The following REDIC1 variants were observed in gnomAD, a reference collection of about 807,000 sequenced individuals.
The protein encoded by REDIC1 is HEI10 Interacting Protein 1.
chr12:39,626,932 C>A, the REDIC1 span, among the ~76,000 whole-genome samples: 161 of 152,232 alleles, frequency 1.1e-3, 1 homozygote, highest in African/African-American at 3.6e-3. Flanking sequence ...TCACATAAAG[C>A]GTGATAGATT....
the REDIC1 span, among the ~76,000 whole-genome samples, chr12:39,906,211 G>A: frequency 1.9e-3 from 291 of 152,192 alleles, no homozygotes; most frequent in Non-Finnish European, 3.7e-3. Context: ...AATTCTTGAA[G>A]TCAGTAATTC....
At chr12:39,739,409 C>T in the REDIC1 span, among the ~76,000 whole-genome samples, 129 of 152,126 alleles carry the variant, frequency 8.5e-4, no homozygotes, top group Non-Finnish European at 1.2e-3. Context: ...ACCTATTGAG[C>T]GCAGGCATTG....
chr12:39,704,778 T>G, the REDIC1 span, among the ~76,000 whole-genome samples: 1 of 152,324 alleles, frequency 6.6e-6, no homozygotes, highest in Non-Finnish European at 1.5e-5. Flanking sequence ...TGTAGGGACA[T>G]GGATGAAATT....
chr12:39,695,087 A>C, the REDIC1 span, among the ~76,000 whole-genome samples: 1 of 152,254 alleles, frequency 6.6e-6, no homozygotes, highest in Non-Finnish European at 1.5e-5. Flanking sequence ...GGCCCTGAAT[A>C]ACCATCAGTG....
At chr12:39,707,544 A>G in the REDIC1 span, among the ~76,000 whole-genome samples, 1 of 151,920 alleles carries the variant, frequency 6.6e-6, no homozygotes, top group Non-Finnish European at 1.5e-5. Context: ...TATATTAAAG[A>G]GCTATCTCCA....
chr12:39,633,349 C>T, the REDIC1 span, among the ~76,000 whole-genome samples: 1 of 152,090 alleles, frequency 6.6e-6, no homozygotes, highest in Non-Finnish European at 1.5e-5. Context: ...TTGTCTTCAC[C>T]TCTACATCTT....
At chr12:39,729,524 C>G in the REDIC1 span, among the ~76,000 whole-genome samples, 2 of 152,072 alleles carry the variant, frequency 1.3e-5, no homozygotes, top group African/African-American at 2.4e-5. Context: ...GTCTGAGTGA[C>G]TGTTTGTTAT....
the REDIC1 span, chr12:39,764,453 A>C: frequency 5.5e-5 from 85 of 1,558,832 alleles, 1 homozygote; most frequent in South Asian, 1.0e-3. Context: ...AAAAAATATT[A>C]TCTTACCATA....
the REDIC1 span, among the ~76,000 whole-genome samples, chr12:39,629,485 T>C: frequency 1.3e-5 from 2 of 152,244 alleles, no homozygotes; most frequent in African/African-American, 4.8e-5. Context: ...GCAATATCTT[T>C]ACAGTTTTAT....
the REDIC1 span, among the ~76,000 whole-genome samples, chr12:39,844,953 T>C: frequency 6.6e-6 from 1 of 152,030 alleles, no homozygotes; most frequent in Admixed American, 6.6e-5. Context: ...GTTTTTAATA[T>C]GGACTAATGG....
At chr12:39,788,193 C>G in the REDIC1 span, among the ~76,000 whole-genome samples, 1 of 152,096 alleles carries the variant, frequency 6.6e-6, no homozygotes, top group Non-Finnish European at 1.5e-5. Context: ...GATGCTGTGT[C>G]ATTTTCCTAC....
the REDIC1 span, among the ~76,000 whole-genome samples, chr12:39,843,134 C>A: frequency 6.6e-6 from 1 of 151,662 alleles, no homozygotes; most frequent in South Asian, 2.1e-4. Flanking sequence ...GGGTATATGC[C>A]CAAGGGTGGA....
the REDIC1 span, among the ~76,000 whole-genome samples, chr12:39,748,097 T>C: frequency 8.6e-5 from 13 of 150,542 alleles, no homozygotes. Context: ...TAAATGTAAA[T>C]GGGCTAAATG....
chr12:39,841,106 T>C, the REDIC1 span, among the ~76,000 whole-genome samples: 7 of 152,106 alleles, frequency 4.6e-5, no homozygotes, highest in Non-Finnish European at 1.0e-4. Context: ...CCCTTACACG[T>C]TGAGGCTAAG....
chr12:39,848,362 A>G, the REDIC1 span, among the ~76,000 whole-genome samples: 2 of 152,224 alleles, frequency 1.3e-5, no homozygotes, highest in Non-Finnish European at 2.9e-5. Flanking sequence ...AAGTGGACAA[A>G]GGACATGAAC....
chr12:39,828,307 G>A, the REDIC1 span, among the ~76,000 whole-genome samples: 1 of 151,898 alleles, frequency 6.6e-6, no homozygotes, highest in Non-Finnish European at 1.5e-5. Flanking sequence ...AGGATATGCT[G>A]TGAACATCAT....
At chr12:39,823,390 T>C in the REDIC1 span, among the ~76,000 whole-genome samples, 3 of 152,256 alleles carry the variant, frequency 2.0e-5, no homozygotes, top group Non-Finnish European at 2.9e-5. Context: ...GGTTTGTCAA[T>C]GATAAAATAA....
the REDIC1 span, among the ~76,000 whole-genome samples, chr12:39,676,251 A>C: frequency 6.6e-6 from 1 of 152,174 alleles, no homozygotes; most frequent in African/African-American, 2.4e-5. Context: ...TGTCATAAAG[A>C]AAAGACAATC....
the REDIC1 span, among the ~76,000 whole-genome samples, chr12:39,841,833 G>A: frequency 6.6e-6 from 1 of 151,980 alleles, no homozygotes; most frequent in African/African-American, 2.4e-5. Context: ...TTAAGAGACT[G>A]AAATTCTTAG....
Sources: allele counts gnomAD v4.1 joint callset (sites outside exome capture counted in the v4.1 genomes callset), GRCh38; gene constraint gnomAD v4.1.1; transcripts MANE v1.5; gene names NCBI Gene and HGNC (gene_info 2026-07-23, HGNC 2026-07-21).